NAALADL2: variants seen among roughly 807,000 people sequenced by gnomAD.
The protein encoded by NAALADL2 is inactive N-acetylated-alpha-linked acidic dipeptidase-like protein 2.
Under a neutral mutation model 87.2 loss-of-function variants are expected in NAALADL2, and 76 were observed. That is an observed-to-expected ratio of 0.87 (90% CI 0.72 to 1.05). NAALADL2 has a LOEUF of 1.05. Ranked by LOEUF, NAALADL2 falls within the 50% of genes least tolerant of loss-of-function variation. The pLI is 0.00. For synonymous variants in NAALADL2, 354 were observed against 331.0 expected (o/e 1.07, Z -0.75); for missense variants, 1,089 against 945.8 (o/e 1.15, Z -1.99).
chr3:174,991,237 T>C (rs899665775), intron 1 of NAALADL2, among the ~76,000 whole-genome samples: 6 of 152,108 alleles, frequency 3.9e-5, no homozygotes, highest in Non-Finnish European at 8.8e-5. Flanking sequence ...GTTATTGCTG[T>C]TGTAGAACAG....
chr3:175,408,762 C>T (rs1712911550), intron 5 of NAALADL2, among the ~76,000 whole-genome samples: 1 of 151,826 alleles, frequency 6.6e-6, no homozygotes, highest in Non-Finnish European at 1.5e-5. Flanking sequence ...CTAAAATGTG[C>T]TTCTATTCTT....
intron 1 of NAALADL2, among the ~76,000 whole-genome samples, chr3:174,472,217 G>C (rs1404510062): frequency 2.6e-5 from 4 of 152,090 alleles, no homozygotes; most frequent in Non-Finnish European, 5.9e-5. Context: ...TCTATCTTAG[G>C]CTTCAGTTGG....
chr3:174,969,454 C>A (rs931388538), intron 1 of NAALADL2, among the ~76,000 whole-genome samples: 4 of 152,154 alleles, frequency 2.6e-5, no homozygotes, highest in Non-Finnish European at 5.9e-5. Flanking sequence ...AGCCCTAGTA[C>A]AGAGGCTGAT....
At chr3:175,000,634 A>G (rs1748103368) in intron 1 of NAALADL2, among the ~76,000 whole-genome samples, 1 of 151,814 alleles carries the variant, frequency 6.6e-6, no homozygotes, top group Non-Finnish European at 1.5e-5. Flanking sequence ...TCTTCTCGTT[A>G]TTTTTTCTTT....
intron 1 of NAALADL2, chr3:175,081,299 T>C (rs1021561258): frequency 6.6e-6 from 1 of 152,196 alleles, no homozygotes; most frequent in African/African-American, 2.4e-5. Context: ...GATCATAAAA[T>C]GATTAAGCCA....
At chr3:174,744,922 A>G (rs954158892) in intron 3 of NAALADL2, among the ~76,000 whole-genome samples, 6 of 152,204 alleles carry the variant, frequency 3.9e-5, no homozygotes, top group East Asian at 1.9e-4. Flanking sequence ...ACAATGTACC[A>G]GAATCTCTGG....
At chr3:174,668,225 G>A (rs1480928030) in intron 2 of NAALADL2, among the ~76,000 whole-genome samples, 1 of 152,014 alleles carries the variant, frequency 6.6e-6, no homozygotes, top group South Asian at 2.1e-4. Flanking sequence ...TAGTTGTTGA[G>A]TTATGGGAGT....
rs146313539 is a variant in NAALADL2 at position 175,106,489 on chromosome 3, C to G, written c.545+9198C>G. 3.3e-3 allele frequency among the ~76,000 whole-genome samples: 506 copies of G among 152,112 alleles called. 2 individuals are homozygous for G. The highest frequency in any genetic ancestry group is 5.6e-3 in the Non-Finnish European group (378 of 67,964). Reference sequence around the variant, plus strand: ...CTTTTCCATCCATCCACTTCTTGATCTTATTCGTTCCAAAAAAGGAACAGG... The same window carrying G: ...CTTTTCCATCCATCCACTTCTTGATGTTATTCGTTCCAAAAAAGGAACAGG... On this transcript the variant is annotated intron_variant, in intron 2 of 13. Coordinates refer to ENST00000454872, the MANE Select transcript of NAALADL2 (RefSeq NM_207015.3).
chr3:175,151,772 TATC>T (rs1731583830), intron 2 of NAALADL2, among the ~76,000 whole-genome samples: 1 of 152,138 alleles, frequency 6.6e-6, no homozygotes, highest in South Asian at 2.1e-4. Flanking sequence ...ATGAATGAAA[TATC>T]ATCAAAGGCT....
chr3:174,537,696 G>A (rs555668447), intron 1 of NAALADL2, among the ~76,000 whole-genome samples: 1 of 152,264 alleles, frequency 6.6e-6, no homozygotes, highest in South Asian at 2.1e-4. Flanking sequence ...TGATATGGCA[G>A]TAGAATGTGG....
chr3:174,473,343 T>TC (rs1462032877), intron 1 of NAALADL2, among the ~76,000 whole-genome samples: 49 of 152,296 alleles, frequency 3.2e-4, no homozygotes, highest in Non-Finnish European at 4.7e-4. Flanking sequence ...ACATCAACCC[T>TC]ACAAAGGATC....
chr3:175,178,289 A>T lies in NAALADL2; in HGVS notation c.546-55642A>T, dbSNP rs536580937. 2.6e-5 allele frequency among the ~76,000 whole-genome samples: 4 copies of T among 152,094 alleles called. No individual in the cohort carries two copies. In the South Asian group the frequency reaches 8.3e-4, roughly 32 times the overall value. On this transcript the variant is annotated intron_variant, in intron 2 of 13. Coordinates refer to ENST00000454872, the MANE Select transcript of NAALADL2 (RefSeq NM_207015.3). ...CATCTCATATATATGTGCATTTAATAAAAAAAGGGTACATATAATTTTGAA... is the reference window on the plus strand; with the variant it reads ...CATCTCATATATATGTGCATTTAATTAAAAAAGGGTACATATAATTTTGAA...
At chr3:175,261,049 T>C (rs774473408) in intron 4 of NAALADL2, among the ~76,000 whole-genome samples, 29 of 152,264 alleles carry the variant, frequency 1.9e-4, no homozygotes, top group African/African-American at 7.0e-4. Flanking sequence ...TCCCCAGTTA[T>C]AGTTGTGCTA....
At chr3:174,700,263 A>G (rs1029553836) in intron 2 of NAALADL2, among the ~76,000 whole-genome samples, 4 of 150,412 alleles carry the variant, frequency 2.7e-5, no homozygotes, top group African/African-American at 7.3e-5. Flanking sequence ...GAACTGTAAG[A>G]CTATGGAAAT....
intron 10 of NAALADL2, among the ~76,000 whole-genome samples, chr3:175,582,637 T>C (rs904088821): frequency 2.6e-5 from 4 of 152,226 alleles, no homozygotes; most frequent in African/African-American, 9.6e-5. Flanking sequence ...AGATATTTGT[T>C]ATTTAGCCAG....
intron 3 of NAALADL2, among the ~76,000 whole-genome samples, chr3:174,825,959 G>A (rs191773214): frequency 0.036 from 5,452 of 152,060 alleles, 155 homozygotes; most frequent in Non-Finnish European, 0.054. Flanking sequence ...CCCTGGAGGC[G>A]GAGCTTGCAG....
chr3:174,719,634 T>C (rs1227559234), intron 2 of NAALADL2, among the ~76,000 whole-genome samples: 1 of 152,216 alleles, frequency 6.6e-6, no homozygotes, highest in Non-Finnish European at 1.5e-5. Context: ...TTTGATTATT[T>C]GTTCACTTTT....
chr3:175,169,412 T>C (rs1185105324), intron 2 of NAALADL2, among the ~76,000 whole-genome samples: 1 of 151,044 alleles, frequency 6.6e-6, no homozygotes, highest in Non-Finnish European at 1.5e-5. Flanking sequence ...CAGTTTTATA[T>C]GTGGAACAGT....
chr3:175,327,561 G>A (rs1363906332), intron 5 of NAALADL2, among the ~76,000 whole-genome samples: 1 of 152,030 alleles, frequency 6.6e-6, no homozygotes, highest in Admixed American at 6.6e-5. Context: ...GCACACATAC[G>A]TATAGGAGAA....
Sources: gnomAD v4.1 joint callset for allele counts (sites outside exome capture counted in the v4.1 genomes callset) on GRCh38, gnomAD v4.1.1 for gene constraint, MANE v1.5 for transcripts, NCBI Gene and HGNC (gene_info 2026-07-23, HGNC 2026-07-21) for gene names.